LAMA5: variants seen among roughly 807,000 people sequenced by gnomAD.
LAMA5 encodes the protein laminin subunit alpha-5.
Under a neutral mutation model 433.4 loss-of-function variants are expected in LAMA5, and 260 were observed. That is an observed-to-expected ratio of 0.60 (90% CI 0.54 to 0.66). The LOEUF (loss-of-function observed/expected upper bound fraction) is 0.66, where lower values mean the gene tolerates loss of function less well. LAMA5 is among the 30% of genes least tolerant of loss of function. LAMA5 has a pLI of 0.00. For synonymous variants in LAMA5, 2,620 were observed against 2,226.6 expected, an observed-to-expected ratio of 1.18 and a Z score of -4.97; for missense variants, 5,378 against 5,258.5, an observed-to-expected ratio of 1.02 and a Z score of -0.70.
In LAMA5 at chr20:62,309,353, C is replaced by T. The variant is rs1985817529; in HGVS notation, c.11071G>A (p.Gly3691Ser). The T allele has an allele frequency of 1.9e-6, 3 of 1,590,228 alleles. No homozygotes were observed. Among genetic ancestry groups the T allele is most frequent in the Non-Finnish European group, 2.5e-6 (3 of 1,176,564 alleles). Residue 3691 changes from glycine (G) to serine (S), a missense_variant, in exon 80 of 80, where the codon GGC becomes AGC. Physicochemically the swap from Gly to Ser is moderately conservative, Grantham distance 56. Transcript: ENST00000252999. ...GCTGTGTCCTAGGCGGCTGGGCAGC[C>T]ACTGGCCCCCACTGCCCCGTGGACC... ...VEVHGAVGASGCPAA is the reference protein window; with the variant it reads ...VEVHGAVGASSCPAA
intron 40 of LAMA5, chr20:62,326,402 A>C (rs774344824): frequency 6.6e-5 from 28 of 421,422 alleles, no homozygotes; most frequent in Non-Finnish European, 1.1e-4. Flanking sequence ...CAGGCAGTGC[A>C]TGGAGGAAGC....
At chr20:62,355,094 T>C (rs1477261115) in intron 2 of LAMA5, among the ~76,000 whole-genome samples, 1 of 152,136 alleles carries the variant, frequency 6.6e-6, no homozygotes, top group Non-Finnish European at 1.5e-5. Context: ...GCCCAACTCT[T>C]TGTGGGCGGC....
Position 62,335,092 on chromosome 20 carries a change from C to A in LAMA5, c.2411G>T (p.Cys804Phe), listed in dbSNP as rs1171690985. 1.2e-6 allele frequency: 2 copies of A among 1,613,042 alleles called. No homozygotes were observed. Among genetic ancestry groups the A allele is most frequent in the Non-Finnish European group, 1.7e-6 (2 of 1,179,722 alleles). The change falls in exon 20 of 80, where the codon TGC becomes TTC. Residue 804 changes from cysteine to phenylalanine, a missense_variant. Coordinates refer to ENST00000252999, the MANE Select transcript of LAMA5 (RefSeq NM_005560.6). ...TGQCFCKPHV[C>F]GQACASCKDG... Reference sequence around the variant, plus strand: ...CTTGCAGGACGCGCAGGCCTGGCCGCACACGTGGGGCTTGCAGAAGCACTG... The same window carrying A: ...CTTGCAGGACGCGCAGGCCTGGCCGAACACGTGGGGCTTGCAGAAGCACTG...
Position 62,312,891 on chromosome 20 carries a change from CT to C in LAMA5, c.9074del (p.Lys3025ArgfsTer82), listed in dbSNP as rs1986472179. The C allele has an allele frequency of 6.3e-7, 1 of 1,587,782 alleles. No homozygotes were observed. Among genetic ancestry groups the C allele is most frequent in the Non-Finnish European group, 8.6e-7 (1 of 1,165,310 alleles). On this transcript the variant is annotated frameshift_variant, in exon 66 of 80. Coordinates refer to ENST00000252999, the MANE Select transcript of LAMA5 (RefSeq NM_005560.6). LOFTEE classifies it high-confidence loss of function. Reference protein sequence around the residue: ...QPPPPLTSASKAIQVFLLGGS... With the variant: ...QPPPPLTSASXAIQVFLLGGS... ...CTGGTCCCCACCCTGGCCCTACCGC[CT>C]TGCTGGCCGAGGTCAGGGGCGGTGG...
At chr20:62,311,816 T>TTGGGCCCCCC in intron 70 of LAMA5, 32 bp from the exon 71 acceptor site, 7 of 1,520,980 alleles carry the variant, frequency 4.6e-6, no homozygotes, top group Non-Finnish European at 6.2e-6. Flanking sequence ...GCTCGGTTTT[T>TTGGGCCCCCC]CCCCACCCTG....
At chr20:62,332,754 C>A in intron 26 of LAMA5, 37 bp from the exon 27 acceptor site, 1 of 1,598,320 alleles carries the variant, frequency 6.3e-7, no homozygotes, top group Non-Finnish European at 8.5e-7. Flanking sequence ...GCCCGCCACC[C>A]CTCGCCCTTC....
In LAMA5 at chr20:62,367,199, G is replaced by A. The variant is rs1308752931; in HGVS notation, c.47C>T (p.Pro16Leu). ...CAGSALCVRG[P>L]RGPAPLLLVG... The stretch of plus-strand genomic sequence containing the variant: ...CAGCAGCAGCGGCGCGGGGCCCCGG[G>A]GGCCGCGAACACACAGTGCGCTCCC... Residue 16 changes from proline to leucine, a missense_variant, in exon 1 of 80, where the codon CCC (proline) becomes CTC (leucine). Pro to Leu is a moderately conservative substitution (Grantham distance 98). Coordinates refer to ENST00000252999, the MANE Select transcript of LAMA5 (RefSeq NM_005560.6). 6 of 1,220,826 alleles carry A rather than the reference G, an allele frequency of 4.9e-6. No homozygotes were observed. In the African/African-American group the frequency reaches 8.0e-5, roughly 16 times the overall value. 75.6% of individuals were successfully genotyped at this position (1,220,826 alleles called of 1,614,324 possible). A position where few individuals can be genotyped will look rare whatever the true frequency, so the allele number is the denominator to read the frequency against.
intron 3 of LAMA5, 55 bp downstream of exon 3, chr20:62,353,079 C>T: frequency 7.6e-7 from 1 of 1,313,456 alleles, no homozygotes. Flanking sequence ...CACGGAGGGC[C>T]TGCCCAGGGA....
intron 2 of LAMA5, among the ~76,000 whole-genome samples, chr20:62,353,740 C>G (rs1984727991): frequency 6.6e-6 from 1 of 152,132 alleles, no homozygotes; most frequent in Non-Finnish European, 1.5e-5. Context: ...CCCCTAGTCC[C>G]TCTGACAGGT....
rs773950851 is a variant in LAMA5, at chr20:62,314,717, C to G, written c.8205G>C (p.Val2735=). ...CTGAGCGCCCGTTGAACTTCATGGGCACCTTGACCTGCGGGGCACGGTCCA... is the reference window on the plus strand; with the variant it reads ...CTGAGCGCCCGTTGAACTTCATGGGGACCTTGACCTGCGGGGCACGGTCCA... ...QARGAASKVK[V]PMKFNGRSGV... The change falls in exon 61 of 80, where the codon GTG becomes GTC. Residue 2735 remains valine (V), a synonymous_variant. Transcript: ENST00000252999. 23 of 1,612,354 alleles carry G rather than the reference C, an allele frequency of 1.4e-5. No homozygotes were observed. In the South Asian group the frequency reaches 2.5e-4, roughly 18 times the overall value.
chr20:62,361,723 G>A (rs745544686), intron 2 of LAMA5, among the ~76,000 whole-genome samples: 3 of 152,232 alleles, frequency 2.0e-5, no homozygotes, highest in African/African-American at 4.8e-5. Context: ...CAGGATTACT[G>A]GCCCATTTTA....
chr20:62,317,559 G>T (rs558942635), intron 54 of LAMA5, 60 bp from the exon 55 acceptor site: 2 of 1,522,938 alleles, frequency 1.3e-6, no homozygotes, highest in East Asian at 4.6e-5. Context: ...CCACGACCCT[G>T]AGGGCGGGCT....
At chr20:62,357,079 C>G (rs911928258) in intron 2 of LAMA5, among the ~76,000 whole-genome samples, 4 of 152,160 alleles carry the variant, frequency 2.6e-5, no homozygotes, top group Admixed American at 1.3e-4. Flanking sequence ...AGGCACCCAC[C>G]TCACCATGGG....
At chr20:62,345,924 A>C (rs1983285666) in intron 10 of LAMA5, 47 bp from the exon 11 acceptor site, 2 of 1,555,174 alleles carry the variant, frequency 1.3e-6, no homozygotes, top group East Asian at 4.8e-5. Flanking sequence ...TCAGAACCCT[A>C]GCACCCTACA....
At position 62,332,622 on chromosome 20, in the gene LAMA5, C is replaced by T. The variant is rs1282295779; in HGVS notation, c.3378G>A (p.Val1126=). The change falls in exon 27 of 80, where the codon GTG becomes GTA. Residue 1126 remains valine (V), a synonymous_variant. Transcript: ENST00000252999. ...ANEDARQEVG[V]AVHTPQRAPQ... is the part of the protein sequence containing the mutation. ...GGGCCCGCTGTGGGGTGTGCACGGC[C>T]ACGCCCACCTCCTGGCGGGCATCCT... 16 of 1,605,856 alleles carry T rather than the reference C, an allele frequency of 1.0e-5. No homozygotes were observed. The highest frequency in any genetic ancestry group is 1.4e-5 in the Non-Finnish European group (16 of 1,176,652).
intron 72 of LAMA5, 30 bp from the exon 73 acceptor site, chr20:62,311,337 C>G: frequency 6.5e-7 from 1 of 1,529,372 alleles, no homozygotes; most frequent in Non-Finnish European, 8.8e-7. Flanking sequence ...ATGCAGGGGC[C>G]GCCCACACAG....
In LAMA5 at chr20:62,329,910, G is replaced by C; in HGVS notation, c.3986C>G (p.Ala1329Gly). The C allele has an allele frequency of 6.2e-7, 1 of 1,611,262 alleles. No homozygotes were observed. Among genetic ancestry groups the C allele is most frequent in the Non-Finnish European group, 8.5e-7 (1 of 1,179,686 alleles). ...GCCATGTGGACAGAAGCTGGCGTTG[G>C]CGTGGCCTGGGCGGGGGAGAAAGGC... ...INAGRVWQGH[A>G]NASFCPHGYG... The change falls in exon 32 of 80, where the codon GCC becomes GGC. Residue 1329 changes from alanine to glycine, a missense_variant. Coordinates refer to ENST00000252999, the MANE Select transcript of LAMA5 (RefSeq NM_005560.6).
chr20:62,345,172 C>A (rs1983159471), intron 11 of LAMA5, among the ~76,000 whole-genome samples: 1 of 151,664 alleles, frequency 6.6e-6, no homozygotes. Context: ...TGCCCGCCAC[C>A]ATGCCCAGCT....
rs781552732 is a variant in LAMA5, at chr20:62,319,047, G to A, written c.6872-34C>T. 6.1e-5 allele frequency: 91 copies of A among 1,500,336 alleles called. No homozygotes were observed. In the African/African-American group the frequency reaches 7.9e-4, roughly 13 times the overall value. The allele number at this position is 1,500,336 out of a possible 1,614,324, so 92.9% of individuals were successfully genotyped here. A position where few individuals can be genotyped will look rare whatever the true frequency, so the allele number is the denominator to read the frequency against. Reference sequence around the variant, plus strand: ...CAGGGGTTCGTCAGAGCCTGGGGCCGCCCGTACTAGTGCACCTCTGCCTGC... The same window carrying A: ...CAGGGGTTCGTCAGAGCCTGGGGCCACCCGTACTAGTGCACCTCTGCCTGC... On this transcript the variant is annotated intron_variant, in intron 51 of 79. Transcript: ENST00000252999.
Sources: allele counts gnomAD v4.1 joint callset (sites outside exome capture counted in the v4.1 genomes callset), GRCh38; gene constraint gnomAD v4.1.1; transcripts MANE v1.5; gene names NCBI Gene and HGNC (gene_info 2026-07-23, HGNC 2026-07-21).